NSD1: variants seen among roughly 807,000 people sequenced by gnomAD.
The protein encoded by NSD1 is nuclear receptor binding SET domain protein 1.
A neutral mutation model predicts 242.7 loss-of-function variants in NSD1; 26 were observed. The observed-to-expected ratio is 0.11, with a 90% CI of 0.08 to 0.15. NSD1 has a LOEUF of 0.15. NSD1 is among the 10% of genes least tolerant of loss of function. The probability of loss-of-function intolerance (pLI) is 1.00; values close to 1 mark genes in which losing one functional copy is unlikely to be tolerated. For missense variants in NSD1, 2,495 were observed against 3,272.8 expected, an observed-to-expected ratio of 0.76 and a Z score of 5.80; for synonymous variants, 1,106 against 1,178.1, an observed-to-expected ratio of 0.94 and a Z score of 1.25.
chr5:177,299,484 G>T lies in NSD1; in HGVS notation c.*4025G>T, dbSNP rs1486316618. 3 of 233,206 alleles carry T rather than the reference G, an allele frequency of 1.3e-5. No individual in the cohort carries two copies. Among genetic ancestry groups the T allele is most frequent in the Non-Finnish European group, 1.7e-5 (2 of 118,094 alleles). 14.4% of individuals were successfully genotyped at this position (233,206 alleles called of 1,614,324 possible). A position where few individuals can be genotyped will look rare whatever the true frequency, so the allele number is the denominator to read the frequency against. On this transcript the variant is annotated 3_prime_UTR_variant, in exon 23 of 23. Transcript: ENST00000439151. ...CCGTCCACGCTGCCTGGAGCAGGTT[G>T]TTAGAGAGCTCTGGTTGTTGGGTCT...
intron 14 of NSD1, chr5:177,264,653 G>C (rs1217541389): frequency 2.9e-5 from 13 of 454,664 alleles, no homozygotes; most frequent in Non-Finnish European, 4.5e-5. Context: ...ACACACCCCT[G>C]GCCCCAACAA....
chr5:177,173,353 A>AT (rs1169867327), intron 2 of NSD1, among the ~76,000 whole-genome samples: 8 of 150,288 alleles, frequency 5.3e-5, no homozygotes, highest in South Asian at 2.1e-4. Context: ...CAAGAAGTCT[A>AT]TTGGAATGTT....
intron 13 of NSD1, among the ~76,000 whole-genome samples, chr5:177,258,796 A>G (rs1562268013): frequency 6.6e-6 from 1 of 152,088 alleles, no homozygotes; most frequent in Admixed American, 6.5e-5. Flanking sequence ...TCAGCCTCCC[A>G]AAGTGCTGGG....
At position 177,298,096 on chromosome 5, in the gene NSD1, CACA is replaced by C. The variant is rs1760366038; in HGVS notation, c.*2643_*2645del. 8.6e-6 allele frequency: 2 copies of C among 232,742 alleles called. No individual in the cohort carries two copies. Among genetic ancestry groups the C allele is most frequent in the South Asian group, 1.8e-4 (1 of 5,504 alleles). The allele number at this position is 232,742 out of a possible 1,614,324, so 14.4% of individuals were successfully genotyped here. A position where few individuals can be genotyped will look rare whatever the true frequency, so the allele number is the denominator to read the frequency against. On this transcript the variant is annotated 3_prime_UTR_variant, in exon 23 of 23. Transcript: ENST00000439151. ...GTCACTATCCAATTAGAAGCAGAGT[CACA>C]ACAACTGTTGGGAAATGTGACTCTT... is the stretch of plus-strand genomic sequence containing the variant.
chr5:177,256,891 T>C (rs1269246768), intron 12 of NSD1, 60 bp from the exon 13 acceptor site: 1 of 1,433,884 alleles, frequency 7.0e-7, no homozygotes, highest in African/African-American at 1.4e-5. Flanking sequence ...TTTCACCTAA[T>C]GGTTTAGCAT....
intron 2 of NSD1, among the ~76,000 whole-genome samples, chr5:177,160,467 A>AT (rs1315222897): frequency 3.3e-5 from 5 of 150,688 alleles, no homozygotes; most frequent in Non-Finnish European, 5.9e-5. Context: ...CGCCCGGCTG[A>AT]TTTTTTTGTA....
intron 2 of NSD1, among the ~76,000 whole-genome samples, chr5:177,190,173 T>C (rs1188662563): frequency 6.6e-6 from 1 of 152,170 alleles, no homozygotes; most frequent in East Asian, 1.9e-4. Context: ...TCCAGGCTGA[T>C]CTCAGACTCC....
rs752818029 is a variant in NSD1 at position 177,239,802 on chromosome 5, T to G, written c.4239T>G (p.Leu1413=). Residue 1413 remains leucine (L), a synonymous_variant, in exon 8 of 23, where the codon CTT becomes CTG. Coordinates refer to ENST00000439151, the MANE Select transcript of NSD1 (RefSeq NM_022455.5). ...AAAGAAAACCAACTAAGAAACTTCT[T>G]GAATCCAATGATTTAGACCCTGGAT... is the stretch of plus-strand genomic sequence containing the variant. The part of the protein sequence containing the change: ...KRQRKPTKKL[L]ESNDLDPGFM... 1 of 1,613,398 alleles carries G rather than the reference T, an allele frequency of 6.2e-7. No individual in the cohort carries two copies. Among genetic ancestry groups the G allele is most frequent in the South Asian group, 1.1e-5 (1 of 91,036 alleles).
intron 14 of NSD1, 41 bp from the exon 15 acceptor site, chr5:177,267,521 C>A (rs1270554629): frequency 6.4e-7 from 1 of 1,570,998 alleles, no homozygotes; most frequent in Non-Finnish European, 8.8e-7. Flanking sequence ...ACATGACTTG[C>A]AGTCTTGTGA....
At position 177,291,962 on chromosome 5, in the gene NSD1, C is replaced by T. The variant is rs1413551827; in HGVS notation, c.6267C>T (p.Pro2089=). ...CAATATCTGACCTGTAGAATCAACC[C>T]ATTGCCACGGAAGAAAAGTCAAAGA... ...GFLGVRPKNQ[P]IATEEKSKKF... Residue 2089 remains proline, a synonymous_variant, in exon 22 of 23, where the codon CCC becomes CCT. Coordinates refer to ENST00000439151, the MANE Select transcript of NSD1 (RefSeq NM_022455.5). The T allele has an allele frequency of 6.2e-7, 1 of 1,613,464 alleles. No homozygotes were observed. Among genetic ancestry groups the T allele is most frequent in the Non-Finnish European group, 8.5e-7 (1 of 1,179,778 alleles).
At chr5:177,212,290 A>G in intron 5 of NSD1, 95 bp downstream of exon 5, 1 of 1,244,644 alleles carries the variant, frequency 8.0e-7, no homozygotes, top group Non-Finnish European at 1.1e-6. Context: ...TGGTAAAGTG[A>G]AGTATAAACT....
chr5:177,171,160 A>G (rs1215336067), intron 2 of NSD1, among the ~76,000 whole-genome samples: 5 of 152,118 alleles, frequency 3.3e-5, no homozygotes, highest in Non-Finnish European at 5.9e-5. Context: ...CTCTAATAAA[A>G]ATACAAAAAT....
intron 3 of NSD1, among the ~76,000 whole-genome samples, chr5:177,202,630 C>A (rs1762594881): frequency 6.6e-6 from 1 of 152,132 alleles, no homozygotes; most frequent in African/African-American, 2.4e-5. Context: ...CCTCCCACTT[C>A]TGCCTCCCAA....
chr5:177,299,766 A>C lies in NSD1; in HGVS notation c.*4307A>C, dbSNP rs1760476291. 4.3e-6 allele frequency: 1 copy of C among 233,168 alleles called. No individual in the cohort carries two copies. Among genetic ancestry groups the C allele is most frequent in the African/African-American group, 2.2e-5 (1 of 45,330 alleles). 14.4% of individuals were successfully genotyped at this position (233,168 alleles called of 1,614,324 possible). A position where few individuals can be genotyped will look rare whatever the true frequency, so the allele number is the denominator to read the frequency against. Reference sequence around the variant, plus strand: ...GTGTAAGGTCCTGGAAGTTCAGCAAAGTTTCGTGGACAAGACATGGGCACA... The same window carrying C: ...GTGTAAGGTCCTGGAAGTTCAGCAACGTTTCGTGGACAAGACATGGGCACA... On this transcript the variant is annotated 3_prime_UTR_variant, in exon 23 of 23. Transcript: ENST00000439151.
At chr5:177,137,067 T>G in intron 2 of NSD1, 1 of 433,544 alleles carries the variant, frequency 2.3e-6, no homozygotes, top group Non-Finnish European at 4.1e-6. Context: ...TGTCAAGTAT[T>G]GTTAGAGGGT....
chr5:177,144,288 C>G (rs1757058959), intron 2 of NSD1, among the ~76,000 whole-genome samples: 1 of 151,330 alleles, frequency 6.6e-6, no homozygotes, highest in South Asian at 2.1e-4. Flanking sequence ...GTGGCCTGAT[C>G]TTGGCTCCTG....
chr5:177,283,548 GTC>G (rs1759064750), intron 19 of NSD1, among the ~76,000 whole-genome samples: 1 of 152,174 alleles, frequency 6.6e-6, no homozygotes, highest in South Asian at 2.1e-4. Flanking sequence ...GCACCCCACA[GTC>G]TCTGCTTTAG....
At chr5:177,215,209 C>T (rs1214401169) in intron 5 of NSD1, among the ~76,000 whole-genome samples, 4 of 141,334 alleles carry the variant, frequency 2.8e-5, no homozygotes, top group African/African-American at 8.2e-5. Flanking sequence ...GATGGAGTTT[C>T]GCTCTTGTTG....
chr5:177,206,328 A>T (rs1762867066), intron 4 of NSD1, among the ~76,000 whole-genome samples: 1 of 151,770 alleles, frequency 6.6e-6, no homozygotes, highest in African/African-American at 2.4e-5. Context: ...TTTTTGTAGA[A>T]CGACAAGGTC....
Sources: allele counts gnomAD v4.1 joint callset (sites outside exome capture counted in the v4.1 genomes callset), GRCh38; gene constraint gnomAD v4.1.1; transcripts MANE v1.5; gene names NCBI Gene and HGNC (gene_info 2026-07-23, HGNC 2026-07-21).